ZFHX3: variants seen among roughly 807,000 people sequenced by gnomAD.
The protein encoded by ZFHX3 is zinc finger homeobox protein 3.
ZFHX3 carries 42 observed loss-of-function variants against 279.1 expected under a neutral mutation model. The ratio of observed to expected loss-of-function variants is 0.15; its 90% confidence interval spans 0.12 to 0.19. The LOEUF is 0.19. ZFHX3 is among the 10% of genes least tolerant of loss of function. The pLI, the probability that ZFHX3 is intolerant of heterozygous loss-of-function variation, is 1.00. For missense variants in ZFHX3, 4,981 were observed against 4,754.0 expected (o/e 1.05, Z -1.40); for synonymous variants, 2,293 against 1,957.8 (o/e 1.17, Z -4.52).
At chr16:73,499,266 T>C (rs989121048) in intron 2 of ZFHX3, 1 of 152,194 alleles carries the variant, frequency 6.6e-6, no homozygotes, top group Non-Finnish European at 1.5e-5. Flanking sequence ...GGGCATTTCC[T>C]TCAGCGCCAC....
At chr16:73,410,789 A>C (rs1691304495) in intron 3 of ZFHX3, among the ~76,000 whole-genome samples, 1 of 152,196 alleles carries the variant, frequency 6.6e-6, no homozygotes, top group Non-Finnish European at 1.5e-5. Context: ...AGCTTTTACT[A>C]TCTACTAAGT....
Position 72,958,194 on chromosome 16 carries a change from G to A in ZFHX3, c.1952C>T (p.Ser651Phe), listed in dbSNP as rs1036101249. 5 of 1,613,172 alleles carry A rather than the reference G, an allele frequency of 3.1e-6. No homozygotes were observed. The highest frequency in any genetic ancestry group is 2.7e-5 in the African/African-American group (2 of 74,908). The change falls in exon 2 of 10, where the codon TCC becomes TTC. Residue 651 changes from serine (S) to phenylalanine (F), a missense_variant. By Grantham distance (155) the Ser-to-Phe change is radical. This residue lies in a region of ZFHX3 where 1,068 missense variants were observed against 935.2 expected (regional missense o/e 1.14). Transcript: ENST00000268489. ...CATGTGGCCGCCCAGCGAGCGGGAG[G>A]AGCCCAGGACCGTGTCGCATTTGGG... is the stretch of plus-strand genomic sequence containing the variant. ...ECPKCDTVLG[S>F]SRSLGGHMTM...
At chr16:73,563,170 T>TG (rs1491136680) in intron 2 of ZFHX3, among the ~76,000 whole-genome samples, 24 of 134,958 alleles carry the variant, frequency 1.8e-4, no homozygotes, top group African/African-American at 6.6e-4. Flanking sequence ...TTTTGTTTTG[T>TG]TGTGTGTGTG....
chr16:72,891,892 C>A (rs1204035990), intron 3 of ZFHX3, among the ~76,000 whole-genome samples: 3 of 152,234 alleles, frequency 2.0e-5, no homozygotes, highest in Admixed American at 6.5e-5. Context: ...CTGACCCACA[C>A]TGCTTCTGTC....
chr16:72,974,153 A>G (rs1283418616), intron 1 of ZFHX3, among the ~76,000 whole-genome samples: 1 of 152,226 alleles, frequency 6.6e-6, no homozygotes, highest in Admixed American at 6.5e-5. Context: ...TGCAGGCAGA[A>G]GCAGCCAGGA....
chr16:73,571,785 C>T (rs1322686268), intron 2 of ZFHX3, among the ~76,000 whole-genome samples: 1 of 152,136 alleles, frequency 6.6e-6, no homozygotes, highest in Admixed American at 6.5e-5. Context: ...ATGTGTTGCA[C>T]AAACTTCTTT....
intron 5 of ZFHX3, among the ~76,000 whole-genome samples, chr16:73,199,017 G>A (rs936757894): frequency 6.6e-6 from 1 of 152,170 alleles, no homozygotes; most frequent in Non-Finnish European, 1.5e-5. Flanking sequence ...CTTTGTGAAC[G>A]TCCCGTTCAA....
chr16:73,642,370 G>A (rs2052581490), intron 2 of ZFHX3, among the ~76,000 whole-genome samples: 1 of 152,080 alleles, frequency 6.6e-6, no homozygotes, highest in Non-Finnish European at 1.5e-5. Context: ...CTCTCTTGTT[G>A]TCTAGGATCC....
At chr16:72,975,484 G>A (rs1962308479) in intron 1 of ZFHX3, among the ~76,000 whole-genome samples, 1 of 152,058 alleles carries the variant, frequency 6.6e-6, no homozygotes, top group South Asian at 2.1e-4. Context: ...GGGGTGTACA[G>A]GGGGAAGAGA....
At chr16:73,556,466 T>A (rs1226298492) in intron 2 of ZFHX3, among the ~76,000 whole-genome samples, 3 of 152,204 alleles carry the variant, frequency 2.0e-5, no homozygotes. Context: ...TCATTTAACC[T>A]TCACCATCTG....
intron 2 of ZFHX3, among the ~76,000 whole-genome samples, chr16:73,589,165 C>T (rs1229650051): frequency 1.4e-5 from 2 of 141,608 alleles, no homozygotes; most frequent in Non-Finnish European, 3.0e-5. Flanking sequence ...GAGGCTGAGG[C>T]AGGAGAATCG....
At chr16:73,629,687 A>T (rs1025488619) in intron 2 of ZFHX3, among the ~76,000 whole-genome samples, 12 of 151,956 alleles carry the variant, frequency 7.9e-5, no homozygotes, top group African/African-American at 2.9e-4. Flanking sequence ...GGAGGAAAAA[A>T]CCCTATAGCA....
chr16:73,025,083 T>C (rs1469453914), intron 1 of ZFHX3, among the ~76,000 whole-genome samples: 1 of 152,188 alleles, frequency 6.6e-6, no homozygotes, highest in Non-Finnish European at 1.5e-5. Context: ...AGTTCCCACA[T>C]GCAGAAGACT....
intron 4 of ZFHX3, among the ~76,000 whole-genome samples, chr16:73,311,256 A>C (rs2015318181): frequency 6.6e-6 from 1 of 151,880 alleles, no homozygotes; most frequent in Admixed American, 6.6e-5. Context: ...AAAACAAAAA[A>C]CAAAAATACA....
intron 3 of ZFHX3, among the ~76,000 whole-genome samples, chr16:72,928,044 C>T (rs1196691535): frequency 1.4e-5 from 2 of 144,172 alleles, no homozygotes; most frequent in Non-Finnish European, 3.0e-5. Flanking sequence ...GGGCTGGCAC[C>T]GTGCCAAGGC....
At chr16:73,182,609 A>G (rs1241756183) in intron 5 of ZFHX3, among the ~76,000 whole-genome samples, 2 of 152,238 alleles carry the variant, frequency 1.3e-5, no homozygotes, top group Non-Finnish European at 2.9e-5. Flanking sequence ...TCACAGCACT[A>G]TCCACAATAG....
At chr16:73,073,964 G>A (rs982430694) in intron 8 of ZFHX3, among the ~76,000 whole-genome samples, 5 of 152,320 alleles carry the variant, frequency 3.3e-5, no homozygotes, top group Middle Eastern at 3.4e-3. Flanking sequence ...TTATGAGTAC[G>A]GAAGGGTAAG....
Position 73,427,771 on chromosome 16 carries a change from T to TA in ZFHX3, c.-1291+28231dup, listed in dbSNP as rs767091672. 3.8e-3 allele frequency among the ~76,000 whole-genome samples: 533 copies of TA among 139,852 alleles called. 3 individuals are homozygous for TA. The highest frequency in any genetic ancestry group is 6.9e-3 in the Admixed American group (96 of 13,970). 91.7% of individuals were successfully genotyped at this position (139,852 alleles called of 152,430 possible). Reference sequence around the variant, plus strand: ...CAATATGGTGAAACCCTGTCTCTACTAAAAAAAAAAAAAATACAAAAATTA... The same window carrying TA: ...CAATATGGTGAAACCCTGTCTCTACTAAAAAAAAAAAAAAATACAAAAATTA... On this transcript the variant is annotated intron_variant, in intron 3 of 17. Transcript: ENST00000641206.
chr16:73,800,844 G>A (rs1960125732), intron 1 of ZFHX3, among the ~76,000 whole-genome samples: 1 of 152,184 alleles, frequency 6.6e-6, no homozygotes, highest in African/African-American at 2.4e-5. Context: ...CCTTCTGTGT[G>A]AGAGCAGGCC....
Sources: gnomAD v4.1 joint callset for allele counts (sites outside exome capture counted in the v4.1 genomes callset) on GRCh38, gnomAD v4.1.1 for gene constraint, gnomAD v4.1.1 regional missense constraint, MANE v1.5 for transcripts, NCBI Gene and HGNC (gene_info 2026-07-23, HGNC 2026-07-21) for gene names.